IL1RAPL1: variants seen among roughly 807,000 people sequenced by gnomAD.
IL1RAPL1 encodes interleukin-1 receptor accessory protein-like 1.
IL1RAPL1 carries 3 observed loss-of-function variants against 48.4 expected under a neutral mutation model. That is an observed-to-expected ratio of 0.06 (90% CI 0.03 to 0.16). The LOEUF (loss-of-function observed/expected upper bound fraction) is 0.16, where lower values mean the gene tolerates loss of function less well. Ranked by LOEUF, IL1RAPL1 falls within the 10% of genes least tolerant of loss-of-function variation. The pLI is 1.00. For synonymous variants in IL1RAPL1, 185 were observed against 187.7 expected (o/e 0.99, Z 0.12); for missense variants, 349 against 530.6 (o/e 0.66, Z 3.36).
intron 2 of IL1RAPL1, among the ~76,000 whole-genome samples, chrX:28,973,336 A>G (rs955140380): frequency 1.8e-5 from 2 of 112,326 alleles, no homozygotes; most frequent in African/African-American, 6.5e-5. Context: ...GGCACACACC[A>G]TTAGTTTTTG....
At chrX:28,681,505 GA>G (rs752845672) in intron 1 of IL1RAPL1, among the ~76,000 whole-genome samples, 5 of 111,261 alleles carry the variant, frequency 4.5e-5, no homozygotes, top group Admixed American at 9.6e-5. Flanking sequence ...GGGTTGGGGG[GA>G]AAGAGGAATT....
chrX:29,372,716 T>C (rs993624385), intron 3 of IL1RAPL1, among the ~76,000 whole-genome samples: 9 of 109,993 alleles, frequency 8.2e-5, no homozygotes, highest in Non-Finnish European at 1.7e-4. Flanking sequence ...GATCAGATTG[T>C]TGTAGGTGTG....
At position 29,161,847 on chromosome X, in the gene IL1RAPL1, C is replaced by T. The variant is rs759189682; in HGVS notation, c.83-121091C>T. Among the ~76,000 whole-genome samples the T allele has an allele frequency of 4.5e-5, 5 of 111,938 alleles. No homozygotes were observed. In the Admixed American group the frequency reaches 4.8e-4, roughly 11 times the overall value. On this transcript the variant is annotated intron_variant, in intron 2 of 10. Coordinates refer to ENST00000378993, the MANE Select transcript of IL1RAPL1 (RefSeq NM_014271.4). ...AGAAATACCATTTGACACAGCAATC[C>T]CATTACTGGGTATATACCCAAAGGA...
At chrX:29,008,313 T>C (rs775316574) in intron 2 of IL1RAPL1, among the ~76,000 whole-genome samples, 57 of 110,857 alleles carry the variant, frequency 5.1e-4, no homozygotes, top group Non-Finnish European at 1.0e-3. Flanking sequence ...TAGCTGGGAC[T>C]ACAGGCGCCC....
chrX:29,589,576 T>C (rs1290815500), intron 5 of IL1RAPL1, among the ~76,000 whole-genome samples: 2 of 111,894 alleles, frequency 1.8e-5, no homozygotes, highest in African/African-American at 3.2e-5. Context: ...CATCACAGAC[T>C]TTTGTTACAG....
At chrX:29,765,376 G>A (rs1928858884) in intron 6 of IL1RAPL1, among the ~76,000 whole-genome samples, 1 of 110,339 alleles carries the variant, frequency 9.1e-6, no homozygotes, top group Admixed American at 9.7e-5. Context: ...TTTATAACAC[G>A]ACTAATTAAA....
chrX:29,599,198 T>G (rs776715103), intron 5 of IL1RAPL1, among the ~76,000 whole-genome samples: 1 of 112,300 alleles, frequency 8.9e-6, no homozygotes, highest in Non-Finnish European at 1.9e-5. Context: ...TTTTAGCAGT[T>G]CTTGTAGTGC....
intron 2 of IL1RAPL1, among the ~76,000 whole-genome samples, chrX:28,947,592 T>C (rs1196712491): frequency 9.0e-6 from 1 of 110,603 alleles, no homozygotes; most frequent in Non-Finnish European, 1.9e-5. Flanking sequence ...TTAGGAGAAA[T>C]ACCTAATGTA....
intron 1 of IL1RAPL1, among the ~76,000 whole-genome samples, chrX:28,664,206 G>A (rs1934850897): frequency 1.8e-5 from 2 of 112,257 alleles, no homozygotes. Flanking sequence ...TCCATAGGGA[G>A]CATCATGATT....
rs970871066 is a variant in IL1RAPL1 at position 29,373,546 on chromosome X, A to G, written c.363-22712A>G. ...TTGTCCATTCATTGTGATGTTGGCT[A>G]TGGGTTTGTCATAGATGGTTCTCAG... On this transcript the variant is annotated intron_variant, in intron 3 of 10. Coordinates refer to ENST00000378993, the MANE Select transcript of IL1RAPL1 (RefSeq NM_014271.4). Among the ~76,000 whole-genome samples the G allele has an allele frequency of 3.6e-5, 4 of 110,868 alleles. No homozygotes were observed. In the East Asian group the frequency reaches 8.5e-4, roughly 24 times the overall value.
intron 5 of IL1RAPL1, among the ~76,000 whole-genome samples, chrX:29,631,349 C>T (rs938014765): frequency 9.8e-5 from 11 of 111,831 alleles, no homozygotes; most frequent in Non-Finnish European, 1.9e-4. Context: ...GGATTCACTG[C>T]GGCCTCAACC....
chrX:29,016,846 C>T (rs945363260), intron 2 of IL1RAPL1, among the ~76,000 whole-genome samples: 4 of 111,033 alleles, frequency 3.6e-5, no homozygotes, highest in East Asian at 2.8e-4. Flanking sequence ...GTGAAGTCCA[C>T]GCAGAGTAAA....
chrX:28,702,197 AT>A (rs1432198836), intron 1 of IL1RAPL1, among the ~76,000 whole-genome samples: 1 of 111,391 alleles, frequency 9.0e-6, no homozygotes, highest in Non-Finnish European at 1.9e-5. Flanking sequence ...TGACCTCAAC[AT>A]TTTTTGTTAG....
chrX:28,697,570 A>G (rs1935247885), intron 1 of IL1RAPL1, among the ~76,000 whole-genome samples: 1 of 111,689 alleles, frequency 9.0e-6, no homozygotes, highest in East Asian at 2.8e-4. Context: ...AATTTCCTCC[A>G]GATGGAAGGA....
chrX:28,866,141 G>A (rs1303300922), intron 2 of IL1RAPL1, among the ~76,000 whole-genome samples: 3 of 111,895 alleles, frequency 2.7e-5, no homozygotes, highest in Non-Finnish European at 5.6e-5. Flanking sequence ...CAAAGAAAGA[G>A]GGAGAAATTT....
chrX:29,802,793 ATATATATATATATATATG>A (rs1569172756), intron 6 of IL1RAPL1, among the ~76,000 whole-genome samples: 22 of 39,714 alleles, frequency 5.5e-4, no homozygotes, highest in African/African-American at 4.4e-3. Context: ...GTGTGTGTGT[ATATATATATATATATATG>A]TGTGTATATA....
intron 3 of IL1RAPL1, among the ~76,000 whole-genome samples, chrX:29,292,481 G>A (rs1932385639): frequency 9.0e-6 from 1 of 111,703 alleles, no homozygotes; most frequent in Non-Finnish European, 1.9e-5. Flanking sequence ...AAATCTGTAT[G>A]ATACAGTATA....
chrX:29,841,429 A>G (rs1003617593), intron 6 of IL1RAPL1, among the ~76,000 whole-genome samples: 2 of 111,440 alleles, frequency 1.8e-5, no homozygotes, highest in Non-Finnish European at 3.8e-5. Context: ...TATTATCTTC[A>G]TTTTAAAAAA....
At position 28,958,204 on chromosome X, in the gene IL1RAPL1, A is replaced by G. The variant is rs142139382; in HGVS notation, c.82+168779A>G. Among the ~76,000 whole-genome samples, 901 of 110,941 alleles carry G rather than the reference A, an allele frequency of 8.1e-3. 4 individuals are homozygous for G. Among genetic ancestry groups the G allele is most frequent in the South Asian group, 0.024 (62 of 2,619 alleles). ...AACTGTAGTCATGATGTTGCACAAT[A>G]GATCTCTTGAGCTTGTTCCTCCTAT... On this transcript the variant is annotated intron_variant, in intron 2 of 10. Coordinates refer to ENST00000378993, the MANE Select transcript of IL1RAPL1 (RefSeq NM_014271.4).
Sources: gnomAD v4.1 joint callset for allele counts (sites outside exome capture counted in the v4.1 genomes callset) on GRCh38, gnomAD v4.1.1 for gene constraint, MANE v1.5 for transcripts, NCBI Gene and HGNC (gene_info 2026-07-23, HGNC 2026-07-21) for gene names.